ADAMTSL1: variants seen among roughly 807,000 people sequenced by gnomAD.
ADAMTSL1 encodes the protein ADAMTS like 1, also known as ADAMTS-like protein 1.
Under a neutral mutation model 201.8 loss-of-function variants are expected in ADAMTSL1, and 126 were observed. That is an observed-to-expected ratio of 0.62 (90% CI 0.54 to 0.72). ADAMTSL1 has a LOEUF of 0.72. Ranked by LOEUF, ADAMTSL1 falls within the 30% of genes least tolerant of loss-of-function variation. The pLI is 0.00. For missense variants in ADAMTSL1, 2,679 were observed against 2,277.8 expected (o/e 1.18, Z -3.59); for synonymous variants, 1,121 against 903.4 (o/e 1.24, Z -4.32).
intron 2 of ADAMTSL1, among the ~76,000 whole-genome samples, chr9:18,389,300 A>G (rs1331359450): frequency 6.6e-6 from 1 of 152,098 alleles, no homozygotes; most frequent in Non-Finnish European, 1.5e-5. Context: ...TTCAAGAACT[A>G]CTTTCTGTGT....
At chr9:18,498,741 T>C (rs1418121597) in intron 1 of ADAMTSL1, among the ~76,000 whole-genome samples, 1 of 152,242 alleles carries the variant, frequency 6.6e-6, no homozygotes, top group Non-Finnish European at 1.5e-5. Flanking sequence ...CTAAAGTCTG[T>C]GCTCTTTCTC....
chr9:18,091,818 G>A (rs201279429), intron 1 of ADAMTSL1, among the ~76,000 whole-genome samples: 23 of 151,996 alleles, frequency 1.5e-4, no homozygotes, highest in East Asian at 5.8e-4. Flanking sequence ...GAGTCCTTGC[G>A]CCTAAAATGA....
chr9:18,410,809 G>A lies in ADAMTSL1; in HGVS notation c.208-94020G>A, dbSNP rs1390803168. Among the ~76,000 whole-genome samples the A allele has an allele frequency of 1.1e-4, 16 of 149,346 alleles. No homozygotes were observed. The East Asian group carries it at 2.4e-3, about 22-fold the overall frequency. On this transcript the variant is annotated intron_variant, in intron 2 of 29. Coordinates refer to the ADAMTSL1 transcript ENST00000680146. Reference sequence around the variant, plus strand: ...GCCCTGAATCTTTTAATCTGTTAATGTATTTAATCGACTGGTAGATTTTCT... The same window carrying A: ...GCCCTGAATCTTTTAATCTGTTAATATATTTAATCGACTGGTAGATTTTCT...
intron 1 of ADAMTSL1, among the ~76,000 whole-genome samples, chr9:18,074,071 T>G (rs372896987): frequency 3.8e-4 from 58 of 152,306 alleles, no homozygotes; most frequent in African/African-American, 1.4e-3. Flanking sequence ...ATTTCTCATT[T>G]TTTGGAGCAT....
chr9:18,829,806 C>T (rs1371443888), intron 22 of ADAMTSL1, 37 bp from the exon 23 acceptor site: 3 of 1,612,868 alleles, frequency 1.9e-6, no homozygotes, highest in Non-Finnish European at 2.5e-6. Flanking sequence ...CAGCCCTGTG[C>T]TTTAACCTGC....
At chr9:18,303,230 G>A (rs1258690464) in intron 2 of ADAMTSL1, among the ~76,000 whole-genome samples, 6 of 152,208 alleles carry the variant, frequency 3.9e-5, no homozygotes, top group Admixed American at 6.5e-5. Flanking sequence ...AGAGACCAAA[G>A]ATACATAACT....
chr9:18,416,690 T>G (rs1002461102), intron 2 of ADAMTSL1, among the ~76,000 whole-genome samples: 6 of 151,938 alleles, frequency 3.9e-5, no homozygotes, highest in African/African-American at 1.4e-4. Context: ...AGAATATCAG[T>G]TTTTAATGAT....
At chr9:18,024,974 A>G (rs1342937095) in intron 1 of ADAMTSL1, among the ~76,000 whole-genome samples, 1 of 152,082 alleles carries the variant, frequency 6.6e-6, no homozygotes, top group African/African-American at 2.4e-5. Flanking sequence ...TGCTGTTAAG[A>G]TGATATCTCT....
Position 18,552,011 on chromosome 9 carries a change from T to C in ADAMTSL1, c.237+18719T>C, listed in dbSNP as rs542753891. Among the ~76,000 whole-genome samples, 2 of 152,008 alleles carry C rather than the reference T, an allele frequency of 1.3e-5. 1 individual carries two copies. Among genetic ancestry groups the C allele is most frequent in the South Asian group, 4.1e-4 (2 of 4,822 alleles). On this transcript the variant is annotated intron_variant, in intron 3 of 28. Transcript: ENST00000380548. ...TAAGAAAGAAGAAATTCAAACTTCA[T>C]CATTTAATGAAATTTGTCAGAATTT...
chr9:17,985,330 TA>T (rs1158470213), intron 1 of ADAMTSL1, among the ~76,000 whole-genome samples: 2 of 152,170 alleles, frequency 1.3e-5, no homozygotes, highest in African/African-American at 2.4e-5. Context: ...TTCCAAACGT[TA>T]AAACTTTAAA....
At chr9:18,303,527 A>G (rs1353964504) in intron 2 of ADAMTSL1, among the ~76,000 whole-genome samples, 2 of 152,170 alleles carry the variant, frequency 1.3e-5, no homozygotes, top group African/African-American at 4.8e-5. Flanking sequence ...TTCTTCAGCT[A>G]CCATAAAGGT....
intron 16 of ADAMTSL1, among the ~76,000 whole-genome samples, chr9:18,753,775 G>A (rs774489515): frequency 6.6e-6 from 1 of 152,168 alleles, no homozygotes; most frequent in Non-Finnish European, 1.5e-5. Flanking sequence ...TTATGACAAA[G>A]CTGTCACAAA....
At chr9:18,853,362 T>C (rs956234914) in intron 23 of ADAMTSL1, among the ~76,000 whole-genome samples, 1 of 152,164 alleles carries the variant, frequency 6.6e-6, no homozygotes, top group African/African-American at 2.4e-5. Context: ...CTAGGGTTTT[T>C]CAAGGATAGT....
At chr9:17,948,309 C>T (rs747153851) in intron 1 of ADAMTSL1, among the ~76,000 whole-genome samples, 3 of 152,208 alleles carry the variant, frequency 2.0e-5, no homozygotes, top group Non-Finnish European at 4.4e-5. Context: ...TTATTTCCTA[C>T]ACATATTTTA....
chr9:17,940,808 C>CG (rs1271293535), intron 1 of ADAMTSL1, among the ~76,000 whole-genome samples: 3 of 63,928 alleles, frequency 4.7e-5, no homozygotes, highest in African/African-American at 1.7e-4. Context: ...TAACACCCCC[C>CG]CCCCAAAAAA....
chr9:18,575,202 G>A (rs1587612595), intron 4 of ADAMTSL1, among the ~76,000 whole-genome samples: 1 of 152,170 alleles, frequency 6.6e-6, no homozygotes, highest in African/African-American at 2.4e-5. Flanking sequence ...TCTATATTTG[G>A]ATGTAAAGGC....
At chr9:17,915,923 C>G (rs958014963) in intron 1 of ADAMTSL1, among the ~76,000 whole-genome samples, 1 of 151,954 alleles carries the variant, frequency 6.6e-6, no homozygotes, top group Non-Finnish European at 1.5e-5. Flanking sequence ...TACATTCTGG[C>G]TGTGAATTTT....
intron 1 of ADAMTSL1, among the ~76,000 whole-genome samples, chr9:17,958,246 C>T (rs907037873): frequency 2.0e-5 from 3 of 152,070 alleles, no homozygotes; most frequent in East Asian, 3.9e-4. Context: ...GTTTCTATTA[C>T]AGCAGTGTGG....
chr9:18,585,462 T>G lies in ADAMTSL1; in HGVS notation c.474+11196T>G, dbSNP rs145420839. Among the ~76,000 whole-genome samples, 87 of 152,340 alleles carry G rather than the reference T, an allele frequency of 5.7e-4. 2 individuals are homozygous for G. Among genetic ancestry groups the G allele is most frequent in the Non-Finnish European group, 6.6e-4 (45 of 68,030 alleles). On this transcript the variant is annotated intron_variant, in intron 4 of 28. Coordinates refer to ENST00000380548, the MANE Select transcript of ADAMTSL1 (RefSeq NM_001040272.6). ...ATACTCATGCCCATCATTATGTGCTTCTTCTGCCAATTCTGTGGGATAACT... is the reference window on the plus strand; with the variant it reads ...ATACTCATGCCCATCATTATGTGCTGCTTCTGCCAATTCTGTGGGATAACT...
Sources: gnomAD v4.1 joint callset for allele counts (sites outside exome capture counted in the v4.1 genomes callset) on GRCh38, gnomAD v4.1.1 for gene constraint, MANE v1.5 for transcripts, NCBI Gene and HGNC (gene_info 2026-07-23, HGNC 2026-07-21) for gene names.